GPN2: variants seen among roughly 807,000 people sequenced by gnomAD.
The protein encoded by GPN2 is ATP-binding domain 1 family member B.
GPN2 carries 27 observed loss-of-function variants against 30.1 expected under a neutral mutation model. The observed-to-expected ratio is 0.90, with a 90% CI of 0.66 to 1.24. The LOEUF (loss-of-function observed/expected upper bound fraction) is 1.24. Ranked by LOEUF, GPN2 falls within the 50% of genes most tolerant of loss-of-function variation. The probability of loss-of-function intolerance (pLI) is 0.00; values close to 1 mark genes in which losing one functional copy is unlikely to be tolerated. For missense variants in GPN2, 406 were observed against 405.4 expected (o/e 1.00, Z -0.01); for synonymous variants, 212 against 174.4 (o/e 1.22, Z -1.70).
chr1:26,885,681 G>A (rs796631872), intron 3 of GPN2, among the ~76,000 whole-genome samples: 24 of 150,212 alleles, frequency 1.6e-4, no homozygotes, highest in African/African-American at 3.7e-4. Context: ...ACGGGTTCAC[G>A]CCATTCTCCT....
chr1:26,883,015 C>A (rs774764806), intron 4 of GPN2, among the ~76,000 whole-genome samples: 5 of 152,200 alleles, frequency 3.3e-5, no homozygotes, highest in Non-Finnish European at 7.3e-5. Context: ...TTTTTCCATT[C>A]TACACCTTTC....
At chr1:26,882,944 T>C (rs190657375) in intron 4 of GPN2, among the ~76,000 whole-genome samples, 3 of 152,344 alleles carry the variant, frequency 2.0e-5, no homozygotes, top group African/African-American at 4.8e-5. Flanking sequence ...GGAAGCTAAG[T>C]TCTACTCCAG....
chr1:26,884,502 T>C (rs573175315), intron 3 of GPN2, among the ~76,000 whole-genome samples: 1 of 152,244 alleles, frequency 6.6e-6, no homozygotes, highest in East Asian at 1.9e-4. Context: ...CCTATGCATA[T>C]CCACAGTCCC....
rs1570695804 is a variant in GPN2, at chr1:26,889,716, G to A, written c.381C>T (p.Ile127=). ...LCTHHGALRS[I]FSQMAQWDLR... ...GGTCCCACTGCGCCATTTGGGAGAA[G>A]ATGCTGCGCAAGGCGCCGTGATGCG... Residue 127 remains isoleucine, a synonymous_variant, in exon 1 of 5, where the codon ATC becomes ATT. Transcript: ENST00000374135. The A allele has an allele frequency of 4.4e-6, 7 of 1,595,726 alleles. No homozygotes were observed. The Admixed American group carries it at 6.9e-5, about 16-fold the overall frequency.
intron 4 of GPN2, 115 bp downstream of exon 4, chr1:26,884,039 CAAAAAA>C: frequency 1.7e-4 from 73 of 423,930 alleles, no homozygotes; most frequent in Middle Eastern, 1.4e-3. Flanking sequence ...GACTCCATCT[CAAAAAA>C]AAAAAAAAAA....
intron 4 of GPN2, among the ~76,000 whole-genome samples, chr1:26,881,397 CTGAAAG>C (rs1410909714): frequency 1.3e-5 from 2 of 152,144 alleles, no homozygotes; most frequent in Admixed American, 6.5e-5. Flanking sequence ...GAATACTGTA[CTGAAAG>C]TGAAAGAATG....
In GPN2 at chr1:26,879,764, G is replaced by A. The variant is rs745367359; in HGVS notation, c.861-15C>T. 2.2e-5 allele frequency: 35 copies of A among 1,603,860 alleles called. No homozygotes were observed. The highest frequency in any genetic ancestry group is 1.7e-4 in the Middle Eastern group (1 of 6,050). On this transcript the variant is annotated splice_polypyrimidine_tract_variant and intron_variant, in intron 4 of 4. Coordinates refer to ENST00000374135, the MANE Select transcript of GPN2 (RefSeq NM_018066.4). ...TGCCCAGTGTGCTGAGGAAGGGTGC[G>A]TCAAGGCTGATAGCATAGGCAGAGG... is the stretch of plus-strand genomic sequence containing the variant.
Position 26,889,741 on chromosome 1 carries a change from G to T in GPN2, c.356C>A (p.Thr119Lys). 2 of 1,612,324 alleles carry T rather than the reference G, an allele frequency of 1.2e-6. No individual in the cohort carries two copies. Among genetic ancestry groups the T allele is most frequent in the Non-Finnish European group, 1.7e-6 (2 of 1,179,114 alleles). Residue 119 changes from threonine to lysine, a missense_variant, in exon 1 of 5, where the codon ACG becomes AAG. Physicochemically the swap from Thr to Lys is moderately conservative, Grantham distance 78. Coordinates refer to ENST00000374135, the MANE Select transcript of GPN2 (RefSeq NM_018066.4). ...GATGCTGCGCAAGGCGCCGTGATGCGTGCAGAGCTCCACCTGGCCTGGGCA... is the reference window on the plus strand; with the variant it reads ...GATGCTGCGCAAGGCGCCGTGATGCTTGCAGAGCTCCACCTGGCCTGGGCA... ...FDCPGQVELC[T>K]HHGALRSIFS...
chr1:26,887,004 A>G (rs2124002759), intron 2 of GPN2, among the ~76,000 whole-genome samples: 1 of 151,864 alleles, frequency 6.6e-6, no homozygotes, highest in South Asian at 2.1e-4. Context: ...AAAAAAAAAA[A>G]AAAAAAAAAA....
rs763808686 is a variant in GPN2 at position 26,889,844 on chromosome 1, T to G, written c.253A>C (p.Met85Leu). The G allele has an allele frequency of 1.2e-6, 2 of 1,613,600 alleles. No homozygotes were observed. The highest frequency in any genetic ancestry group is 1.7e-5 in the Admixed American group (1 of 60,022). Residue 85 changes from methionine to leucine, a missense_variant, in exon 1 of 5, where the codon ATG (methionine) becomes CTG (leucine). Transcript: ENST00000374135. Reference protein sequence around the residue: ...LGPNGGLLYCMEYLEANLDWL... With the variant: ...LGPNGGLLYCLEYLEANLDWL... Reference sequence around the variant, plus strand: ...TCCAGGTTGGCTTCCAGGTACTCCATGCAGTAGAGCAGGCCGCCGTTGGGC... The same window carrying G: ...TCCAGGTTGGCTTCCAGGTACTCCAGGCAGTAGAGCAGGCCGCCGTTGGGC...
intron 3 of GPN2, among the ~76,000 whole-genome samples, chr1:26,885,102 G>C (rs2081883779): frequency 1.3e-5 from 2 of 152,180 alleles, no homozygotes; most frequent in Admixed American, 1.3e-4. Flanking sequence ...GTAGTCCTTA[G>C]CACAGTGCCC....
chr1:26,888,913 T>C lies in GPN2; in HGVS notation c.568+56A>G, dbSNP rs1377344813. On this transcript the variant is annotated intron_variant, in intron 2 of 4. Coordinates refer to ENST00000374135, the MANE Select transcript of GPN2 (RefSeq NM_018066.4). ...GGCAGCTACCTTCAGCTGAGATGTC[T>C]GCTTCATTCTAGCCCAGCTGCTGCC... 3.2e-6 allele frequency: 5 copies of C among 1,580,986 alleles called. No homozygotes were observed. The South Asian group carries it at 4.5e-5, about 14-fold the overall frequency.
intron 4 of GPN2, among the ~76,000 whole-genome samples, chr1:26,881,937 C>A (rs943858038): frequency 2.6e-5 from 4 of 151,940 alleles, no homozygotes; most frequent in Non-Finnish European, 5.9e-5. Context: ...AGTTGCAGGC[C>A]GGGCATGGTG....
rs753821267 is a variant in GPN2 at position 26,884,228 on chromosome 1, T to C, written c.792A>G (p.Arg264=). 7 of 1,613,956 alleles carry C rather than the reference T, an allele frequency of 4.3e-6. No individual in the cohort carries two copies. In the East Asian group the frequency reaches 1.6e-4, roughly 36 times the overall value. Residue 264 remains arginine, a synonymous_variant, in exon 4 of 5, where the codon AGA becomes AGG. Transcript: ENST00000374135. The part of the protein sequence containing the change: ...AVDKANGYCF[R]AQEQRSLEAM... ...CTTCCAAGCTTCGCTGCTCTTGGGC[T>C]CTGAAACAGTATCCATTGGCTTTAT...
chr1:26,879,953 C>T (rs1234082254), intron 4 of GPN2, among the ~76,000 whole-genome samples: 1 of 152,172 alleles, frequency 6.6e-6, no homozygotes, highest in Non-Finnish European at 1.5e-5. Flanking sequence ...CACACTGCTG[C>T]GGATCAAAGG....
In GPN2 at chr1:26,889,807, G is replaced by C. The variant is rs748592522; in HGVS notation, c.290C>G (p.Ala97Gly). Residue 97 changes from alanine to glycine, a missense_variant, in exon 1 of 5, where the codon GCC becomes GGC. Coordinates refer to ENST00000374135, the MANE Select transcript of GPN2 (RefSeq NM_018066.4). ...GTGGCCGCGGAGGGGGTCGAGCTTG[G>C]CACGCAGCCAGTCCAGGTTGGCTTC... is the stretch of plus-strand genomic sequence containing the variant. ...YLEANLDWLR[A>G]KLDPLRGHYF... 4.3e-6 allele frequency: 7 copies of C among 1,613,738 alleles called. No homozygotes were observed. In the East Asian group the frequency reaches 1.3e-4, roughly 31 times the overall value.
intron 2 of GPN2, among the ~76,000 whole-genome samples, chr1:26,888,095 G>A (rs972550332): frequency 2.7e-5 from 4 of 146,712 alleles, no homozygotes; most frequent in African/African-American, 1.0e-4. Flanking sequence ...CCTGACCTCA[G>A]GTGATCTGCC....
intron 2 of GPN2, among the ~76,000 whole-genome samples, chr1:26,887,852 C>T (rs1472418383): frequency 1.0e-4 from 15 of 149,924 alleles, no homozygotes; most frequent in East Asian, 4.0e-4. Flanking sequence ...TGAGCCACTG[C>T]GCCTGGCCTA....
At position 26,890,227 on chromosome 1, in the gene GPN2, G is replaced by A. The variant is rs938059615; in HGVS notation, c.-131C>T. The A allele has an allele frequency of 3.8e-6, 3 of 787,258 alleles. No individual in the cohort carries two copies. Among genetic ancestry groups the A allele is most frequent in the African/African-American group, 3.5e-5 (2 of 56,550 alleles). 48.8% of individuals were successfully genotyped at this position (787,258 alleles called of 1,614,324 possible). On this transcript the variant is annotated 5_prime_UTR_variant, in exon 1 of 5. Coordinates refer to ENST00000374135, the MANE Select transcript of GPN2 (RefSeq NM_018066.4). ...GCGGCCAGCGTCACTCGCCTCAGGC[G>A]GAACAGCTGAGACCGTGTCGCGCAA... is the stretch of plus-strand genomic sequence containing the variant.
Sources: gnomAD v4.1 joint callset for allele counts (sites outside exome capture counted in the v4.1 genomes callset) on GRCh38, gnomAD v4.1.1 for gene constraint, MANE v1.5 for transcripts, NCBI Gene and HGNC (gene_info 2026-07-23, HGNC 2026-07-21) for gene names.